NSD2: variants seen among roughly 807,000 people sequenced by gnomAD.
NSD2 encodes the protein nuclear receptor binding SET domain protein 2, also known as histone-lysine N-methyltransferase NSD2.
In NSD2, 12 loss-of-function variants were observed where a neutral mutation model predicts 139.0. The observed-to-expected ratio is 0.09, with a 90% CI of 0.06 to 0.14. The LOEUF is 0.14. Among genes scored for constraint, NSD2 ranks in the 10% least tolerant of loss-of-function variants. The pLI is 1.00. For synonymous variants in NSD2, 669 were observed against 648.7 expected, an observed-to-expected ratio of 1.03 and a Z score of -0.48; for missense variants, 1,155 against 1,745.0, an observed-to-expected ratio of 0.66 and a Z score of 6.02.
In NSD2 at chr4:1,970,033, AAG is replaced by A. The variant is rs112550730; in HGVS notation, c.3373-4824_3373-4823del. Among the ~76,000 whole-genome samples, 389 of 152,290 alleles carry A rather than the reference AAG, an allele frequency of 2.6e-3. 3 individuals are homozygous for A. Among genetic ancestry groups the A allele is most frequent in the African/African-American group, 8.7e-3 (360 of 41,564 alleles). ...AGAGTGCAGCTGAAAGAACCTGGGA[AAG>A]AGAGAAAGAAGGAATGTAGGAAAGA... On this transcript the variant is annotated intron_variant, in intron 18 of 21. Transcript: ENST00000508803.
Position 1,942,622 on chromosome 4 carries a change from C to T in NSD2, c.1881+2844C>T, listed in dbSNP as rs940283956. 5.6e-6 allele frequency: 7 copies of T among 1,252,126 alleles called. No individual in the cohort carries two copies. The highest frequency in any genetic ancestry group is 2.2e-5 in the South Asian group (1 of 44,858). The allele number at this position is 1,252,126 out of a possible 1,614,324, so 77.6% of individuals were successfully genotyped here. A position where few individuals can be genotyped will look rare whatever the true frequency, so the allele number is the denominator to read the frequency against. ...TCACATTCATCTCATAATAGAAACA[C>T]GTTCATATTCCAGTGGTCAATGTAG... On this transcript the variant is annotated intron_variant, in intron 9 of 21. Coordinates refer to ENST00000508803, the MANE Select transcript of NSD2 (RefSeq NM_001042424.3). This position sits in a 1 kb window ranked among gnomAD's most constrained non-coding sequence, Gnocchi z 4.0.
At chr4:1,901,312 A>G (rs201168727) in intron 2 of NSD2, 61 bp downstream of exon 2, 47 of 1,408,756 alleles carry the variant, frequency 3.3e-5, no homozygotes, top group Admixed American at 2.5e-4. Context: ...TGGCCACCCT[A>G]TGAGGGCACC....
chr4:1,949,482 G>T (rs1723984166), intron 9 of NSD2, among the ~76,000 whole-genome samples: 1 of 152,048 alleles, frequency 6.6e-6, no homozygotes, highest in Non-Finnish European at 1.5e-5. Flanking sequence ...GCCCACTCTG[G>T]CTGGGTGCGG....
rs879590049 is a variant in NSD2 at position 1,936,667 on chromosome 4, CAAAAAAAA to C, written c.1674+1420_1674+1427del. On this transcript the variant is annotated intron_variant, in intron 7 of 21. Coordinates refer to ENST00000508803, the MANE Select transcript of NSD2 (RefSeq NM_001042424.3). ...TGGGTGACAGAAGGAGACTCCATCT[CAAAAAAAA>C]AAAAAAAAAAAAAAGTTCTGACAGA... is the stretch of plus-strand genomic sequence containing the variant. Among the ~76,000 whole-genome samples, 14 of 52,504 alleles carry C rather than the reference CAAAAAAAA, an allele frequency of 2.7e-4. No homozygotes were observed. The South Asian group carries it at 0.011, about 41-fold the overall frequency. 34.4% of individuals were successfully genotyped at this position (52,504 alleles called of 152,430 possible). A position where few individuals can be genotyped will look rare whatever the true frequency, so the allele number is the denominator to read the frequency against.
Position 1,901,124 on chromosome 4 carries a change from A to C in NSD2, c.470A>C (p.Asn157Thr), listed in dbSNP as rs757829574. ...SAADVSQSEE[N>T]GQKPENKARR... ...GCTGATGTGTCTCAGTCAGAAGAAAATGGACAAAAACCAGAAAACAAGGCG... is the reference window on the plus strand; with the variant it reads ...GCTGATGTGTCTCAGTCAGAAGAAACTGGACAAAAACCAGAAAACAAGGCG... The change falls in exon 2 of 22, where the codon AAT becomes ACT. Residue 157 changes from asparagine to threonine, a missense_variant. By Grantham distance (65) the Asn-to-Thr change is moderately conservative. Transcript: ENST00000508803. 3 of 1,614,202 alleles carry C rather than the reference A, an allele frequency of 1.9e-6. No individual in the cohort carries two copies. Among genetic ancestry groups the C allele is most frequent in the East Asian group, 2.2e-5 (1 of 44,886 alleles).
intron 18 of NSD2, among the ~76,000 whole-genome samples, chr4:1,964,266 G>C (rs1725655859): frequency 6.6e-6 from 1 of 152,158 alleles, no homozygotes; most frequent in African/African-American, 2.4e-5. Flanking sequence ...GGTTAAAATA[G>C]AGTCATTGAG....
At chr4:1,970,646 C>T (rs1726364568) in intron 18 of NSD2, among the ~76,000 whole-genome samples, 1 of 152,194 alleles carries the variant, frequency 6.6e-6, no homozygotes, top group Admixed American at 6.5e-5. Context: ...CAGGTGGGAG[C>T]AGAAGCTGAG....
chr4:1,933,891 C>G (rs1721986019), intron 6 of NSD2, among the ~76,000 whole-genome samples: 1 of 152,162 alleles, frequency 6.6e-6, no homozygotes, highest in South Asian at 2.1e-4. Context: ...GGATTAACTG[C>G]TATTCCTGGG....
Position 1,942,258 on chromosome 4 carries a change from GTGATT to G in NSD2, c.1881+2482_1881+2486del. 6.3e-7 allele frequency: 1 copy of G among 1,577,954 alleles called. No homozygotes were observed. Among genetic ancestry groups the G allele is most frequent in the Non-Finnish European group, 8.6e-7 (1 of 1,164,690 alleles). The stretch of plus-strand genomic sequence containing the variant: ...GACAAAGGCCTGTGAAGGAATTAAT[GTGATT>G]TAAGTGTTTTGTAACTTCATTTTTT... On this transcript the variant is annotated intron_variant, in intron 9 of 21. Coordinates refer to ENST00000508803, the MANE Select transcript of NSD2 (RefSeq NM_001042424.3). This position sits in a 1 kb window ranked among gnomAD's most constrained non-coding sequence, Gnocchi z 4.0.
At chr4:1,964,970 A>G (rs1725731162) in intron 18 of NSD2, among the ~76,000 whole-genome samples, 1 of 150,430 alleles carries the variant, frequency 6.6e-6, no homozygotes, top group Non-Finnish European at 1.5e-5. Flanking sequence ...AATAACAAAA[A>G]CAGCAAACCT....
In NSD2 at chr4:1,901,169, G is replaced by T. The variant is rs1717115070; in HGVS notation, c.515G>T (p.Ser172Ile). The change falls in exon 2 of 22, where the codon AGC (serine) becomes ATC (isoleucine). Residue 172 changes from serine to isoleucine, a missense_variant. Ser to Ile is a moderately radical substitution (Grantham distance 142). This residue lies in a region of NSD2 where 246 missense variants were observed against 262.8 expected (regional missense o/e 0.94). Coordinates refer to ENST00000508803, the MANE Select transcript of NSD2 (RefSeq NM_001042424.3). ...ENKARRNRKR[S>I]IKYDSLLEQG... ...AAGGCGAGAAGGAACAGGAAGAGGA[G>T]CATAAAATATGACTCCTTGCTGGAG... The T allele has an allele frequency of 6.2e-7, 1 of 1,613,870 alleles. No homozygotes were observed. The highest frequency in any genetic ancestry group is 8.5e-7 in the Non-Finnish European group (1 of 1,179,970).
chr4:1,932,779 G>T (rs1254346697), intron 6 of NSD2, among the ~76,000 whole-genome samples: 1 of 152,174 alleles, frequency 6.6e-6, no homozygotes, highest in African/African-American at 2.4e-5. Context: ...CCATACAGAT[G>T]CCCCTGTTGC....
intron 9 of NSD2, chr4:1,946,944 A>G (rs1016434901): frequency 1.9e-6 from 2 of 1,060,014 alleles, no homozygotes; most frequent in African/African-American, 1.6e-5. Context: ...GCCTTTTTGC[A>G]TATAACTCTC....
chr4:1,889,824 A>G (rs1191565338), intron 1 of NSD2, among the ~76,000 whole-genome samples: 1 of 150,412 alleles, frequency 6.6e-6, no homozygotes, highest in African/African-American at 2.4e-5. Context: ...TTTTTTTTTA[A>G]TTGAGATAAA....
In NSD2 at chr4:1,974,718, C is replaced by G; in HGVS notation, c.3373-145C>G. 1 of 1,156,628 alleles carries G rather than the reference C, an allele frequency of 8.6e-7. No homozygotes were observed. The highest frequency in any genetic ancestry group is 1.3e-6 in the Non-Finnish European group (1 of 775,094). The allele number at this position is 1,156,628 out of a possible 1,614,324, so 71.6% of individuals were successfully genotyped here. A position where few individuals can be genotyped will look rare whatever the true frequency, so the allele number is the denominator to read the frequency against. ...AGAAACAGGACTGGTTTGGGGGTGT[C>G]CTGTCTCAGTGGACACAGGACACCA... On this transcript the variant is annotated intron_variant, in intron 18 of 21. Coordinates refer to ENST00000508803, the MANE Select transcript of NSD2 (RefSeq NM_001042424.3). The surrounding 1 kb of genome is among the most constrained non-coding windows in gnomAD (Gnocchi z 4.0).
chr4:1,978,549 C>A (rs1727373939), intron 21 of NSD2, 89 bp from the exon 22 acceptor site: 2 of 1,517,020 alleles, frequency 1.3e-6, no homozygotes, highest in Admixed American at 3.7e-5. Flanking sequence ...TTCATTTGAC[C>A]TGACAGTTGT....
At chr4:1,897,493 G>GA (rs149921616) in intron 1 of NSD2, among the ~76,000 whole-genome samples, 5,628 of 149,588 alleles carry the variant, frequency 0.038, 345 homozygotes, top group African/African-American at 0.13. Context: ...TGTCTCAAGG[G>GA]AAAAAAAAAA....
At chr4:1,896,740 CTT>C (rs1297024234) in intron 1 of NSD2, among the ~76,000 whole-genome samples, 2 of 148,512 alleles carry the variant, frequency 1.3e-5, no homozygotes, top group Non-Finnish European at 3.0e-5. Context: ...TCCCTTCTCT[CTT>C]TCTCTTTCTT....
In NSD2 at chr4:1,948,619, A is replaced by AT. The variant is rs1560737219; in HGVS notation, c.1882-2452dup. The AT allele has an allele frequency of 2.8e-6, 3 of 1,061,992 alleles. No homozygotes were observed. The highest frequency in any genetic ancestry group is 3.4e-6 in the Non-Finnish European group (3 of 876,298). The allele number at this position is 1,061,992 out of a possible 1,614,324, so 65.8% of individuals were successfully genotyped here. ...CATGGACTGTACTATTGTAAGGTCT[A>AT]TATTCTGTATGTGGGTCCCAGACCC... On this transcript the variant is annotated intron_variant, in intron 9 of 21. Coordinates refer to ENST00000508803, the MANE Select transcript of NSD2 (RefSeq NM_001042424.3). This position sits in a 1 kb window ranked among gnomAD's most constrained non-coding sequence, Gnocchi z 4.5.
Sources: gnomAD v4.1 joint callset for allele counts (sites outside exome capture counted in the v4.1 genomes callset) on GRCh38, gnomAD v4.1.1 for gene constraint, gnomAD v4.1.1 regional missense constraint, Gnocchi (gnomAD v3.1) non-coding constraint, MANE v1.5 for transcripts, NCBI Gene and HGNC (gene_info 2026-07-23, HGNC 2026-07-21) for gene names.